Variants in WIPF2 observed in about 807,000 individuals in gnomAD.
The protein encoded by WIPF2 is WAS/WASL-interacting protein family member 2.
WIPF2 carries 23 observed loss-of-function variants against 38.8 expected under a neutral mutation model. The ratio of observed to expected loss-of-function variants is 0.59; its 90% CI spans 0.43 to 0.84. The LOEUF (loss-of-function observed/expected upper bound fraction) is 0.84, where lower values mean the gene tolerates loss of function less well. Among genes scored for constraint, WIPF2 ranks in the 40% least tolerant of loss-of-function variants. WIPF2 has a pLI of 0.00. For missense variants in WIPF2, 574 were observed against 580.5 expected (o/e 0.99, Z 0.11); for synonymous variants, 210 against 223.2 (o/e 0.94, Z 0.53).
At chr17:40,275,312 T>TTATTTTG (rs1221391693) in intron 6 of WIPF2, among the ~76,000 whole-genome samples, 3 of 151,654 alleles carry the variant, frequency 2.0e-5, no homozygotes, top group Non-Finnish European at 4.4e-5. Flanking sequence ...ACTAGCAGTG[T>TTATTTTG]TATTTTGAGG....
chr17:40,269,236 C>T (rs946560062), intron 5 of WIPF2, among the ~76,000 whole-genome samples: 2 of 152,134 alleles, frequency 1.3e-5, no homozygotes, highest in Non-Finnish European at 2.9e-5. Flanking sequence ...GGGAGAATCG[C>T]TTGAACCCGG....
At chr17:40,224,226 CTTTTCTTTTT>C (rs1567707330) in intron 1 of WIPF2, among the ~76,000 whole-genome samples, 3 of 131,010 alleles carry the variant, frequency 2.3e-5, no homozygotes, top group Non-Finnish European at 4.9e-5. Context: ...TTTTTCTTTT[CTTTTCTTTTT>C]TTTTTTTTTT....
intron 5 of WIPF2, among the ~76,000 whole-genome samples, chr17:40,268,690 C>T (rs60220138): frequency 0.11 from 17,028 of 151,954 alleles, 1,066 homozygotes; most frequent in East Asian, 0.29. Context: ...CTTGGCCTCC[C>T]GAAGCCCTGG....
chr17:40,245,766 A>G (rs956367784), intron 1 of WIPF2, among the ~76,000 whole-genome samples: 1 of 152,136 alleles, frequency 6.6e-6, no homozygotes, highest in Non-Finnish European at 1.5e-5. Flanking sequence ...AAATATGTCA[A>G]TGACATTGTC....
rs189110017 is a variant in WIPF2, at chr17:40,227,369, A to G, written c.-70+7877A>G. ...TGTTATATTTTAAATAAATAATACA[A>G]AATTTAAAAGATAAAAAAGTATATA... is the stretch of plus-strand genomic sequence containing the variant. On this transcript the variant is annotated intron_variant, in intron 1 of 7. Coordinates refer to ENST00000323571, the MANE Select transcript of WIPF2 (RefSeq NM_133264.5). Among the ~76,000 whole-genome samples the G allele has an allele frequency of 7.0e-4, 107 of 152,270 alleles. 1 individual carries two copies. The highest frequency in any genetic ancestry group is 5.8e-4 in the East Asian group (3 of 5,194).
intron 3 of WIPF2, among the ~76,000 whole-genome samples, chr17:40,262,077 CTT>C (rs34246534): frequency 0.14 from 17,027 of 122,610 alleles, 1,060 homozygotes; most frequent in East Asian, 0.3. Flanking sequence ...TTTCTTTTCT[CTT>C]TTTTTTTTTT....
intron 1 of WIPF2, among the ~76,000 whole-genome samples, chr17:40,236,122 T>TG (rs1027944790): frequency 6.6e-6 from 1 of 151,722 alleles, no homozygotes; most frequent in Non-Finnish European, 1.5e-5. Flanking sequence ...CCACCACGCC[T>TG]GGGCTAATTT....
intron 5 of WIPF2, among the ~76,000 whole-genome samples, chr17:40,267,736 C>T (rs571612017): frequency 3.7e-4 from 56 of 152,242 alleles, no homozygotes; most frequent in Admixed American, 6.5e-4. Context: ...AACGGGTTTT[C>T]GCCGTGTTGG....
At position 40,283,500 on chromosome 17, in the gene WIPF2, GCTT is replaced by G. The variant is rs1334921815; in HGVS notation, c.*5278_*5280del. ...GGGCTTAAGTGATTGTCCCACCTCAGCTTCTCAAAGTGCTGGGATTACAGGCAT... is the reference window on the plus strand; with the variant it reads ...GGGCTTAAGTGATTGTCCCACCTCAGCTCAAAGTGCTGGGATTACAGGCAT... On this transcript the variant is annotated 3_prime_UTR_variant, in exon 8 of 8. Coordinates refer to ENST00000323571, the MANE Select transcript of WIPF2 (RefSeq NM_133264.5). 1 of 152,118 alleles carries G rather than the reference GCTT, an allele frequency of 6.6e-6. No homozygotes were observed. Among genetic ancestry groups the G allele is most frequent in the Non-Finnish European group, 1.5e-5 (1 of 68,048 alleles). The allele number at this position is 152,118 out of a possible 1,614,324, so 9.4% of individuals were successfully genotyped here. A position where few individuals can be genotyped will look rare whatever the true frequency, so the allele number is the denominator to read the frequency against.
rs8073630 is a variant in WIPF2 at position 40,237,998 on chromosome 17, G to A, written c.-69-18393G>A. 9.3e-3 allele frequency among the ~76,000 whole-genome samples: 1,401 copies of A among 150,014 alleles called. 7 individuals are homozygous for A. Among genetic ancestry groups the A allele is most frequent in the Non-Finnish European group, 0.015 (980 of 67,506 alleles). On this transcript the variant is annotated intron_variant, in intron 1 of 7. Coordinates refer to ENST00000323571, the MANE Select transcript of WIPF2 (RefSeq NM_133264.5). ...GGAGAATTGCTTGAACCCGGGAGGC[G>A]GAGGTTGCAGTGAGTCAAGATGGTG...
intron 2 of WIPF2, among the ~76,000 whole-genome samples, chr17:40,257,618 C>T (rs1415597226): frequency 3.3e-5 from 5 of 151,442 alleles, no homozygotes; most frequent in Admixed American, 6.6e-5. Context: ...TGGTGACAAG[C>T]GCCTGTAATA....
intron 1 of WIPF2, among the ~76,000 whole-genome samples, chr17:40,235,569 C>CTT (rs777748624): frequency 7.2e-4 from 86 of 119,824 alleles, no homozygotes; most frequent in East Asian, 1.3e-3. Context: ...GAGAGTGAGA[C>CTT]TTTTTTTTTT....
intron 5 of WIPF2, among the ~76,000 whole-genome samples, chr17:40,265,477 C>A (rs1293206978): frequency 6.6e-6 from 1 of 152,096 alleles, no homozygotes; most frequent in Non-Finnish European, 1.5e-5. Context: ...ACAGTCCTTA[C>A]TGATACGGTG....
At chr17:40,248,798 G>A (rs555009340) in intron 1 of WIPF2, among the ~76,000 whole-genome samples, 306 of 152,298 alleles carry the variant, frequency 2.0e-3, no homozygotes, top group Non-Finnish European at 3.7e-3. Context: ...TTTCAGAGAG[G>A]ATCCTGAAAT....
At chr17:40,261,794 C>T (rs2031914181) in intron 3 of WIPF2, among the ~76,000 whole-genome samples, 1 of 149,698 alleles carries the variant, frequency 6.7e-6, no homozygotes, top group Non-Finnish European at 1.5e-5. Flanking sequence ...TCATGCCATT[C>T]TCCTGCCTCA....
At chr17:40,277,292 T>TA (rs2032431858) in intron 7 of WIPF2, 108 bp downstream of exon 7, 3 of 926,270 alleles carry the variant, frequency 3.2e-6, no homozygotes, top group Non-Finnish European at 1.6e-6. Context: ...CTCATACCTA[T>TA]AATCCCAGCA....
intron 5 of WIPF2, among the ~76,000 whole-genome samples, chr17:40,270,365 CAAAAAAA>C (rs574916961): frequency 2.3e-3 from 159 of 68,384 alleles, no homozygotes; most frequent in African/African-American, 8.8e-3. Flanking sequence ...GACTCCGTCT[CAAAAAAA>C]AAAAAAAAAA....
At chr17:40,250,857 A>G (rs1035979540) in intron 1 of WIPF2, among the ~76,000 whole-genome samples, 4 of 150,860 alleles carry the variant, frequency 2.7e-5, no homozygotes, top group Non-Finnish European at 1.5e-5. Context: ...ACTGGAGCCC[A>G]GGAGTTTGAG....
chr17:40,236,164 C>T (rs961474553), intron 1 of WIPF2, among the ~76,000 whole-genome samples: 2 of 151,708 alleles, frequency 1.3e-5, no homozygotes, highest in Non-Finnish European at 2.9e-5. Context: ...GGGTTTCATT[C>T]ACCGTGTTGG....
Sources: gnomAD v4.1 joint callset for allele counts (sites outside exome capture counted in the v4.1 genomes callset) on GRCh38, gnomAD v4.1.1 for gene constraint, MANE v1.5 for transcripts, NCBI Gene and HGNC (gene_info 2026-07-23, HGNC 2026-07-21) for gene names.